NSMCE2: variants seen among roughly 807,000 people sequenced by gnomAD.
NSMCE2 encodes the protein E3 SUMO-protein ligase NSE2.
In NSMCE2, 24 loss-of-function variants were observed where a neutral mutation model predicts 23.8. The ratio of observed to expected loss-of-function variants is 1.01; its 90% CI spans 0.73 to 1.42. The LOEUF (loss-of-function observed/expected upper bound fraction) is 1.42, where lower values mean the gene tolerates loss of function less well. Among genes scored for constraint, NSMCE2 ranks in the 40% most tolerant of loss-of-function variants. The pLI is 0.00. For missense variants in NSMCE2, 284 were observed against 296.5 expected, an observed-to-expected ratio of 0.96 and a Z score of 0.31; for synonymous variants, 92 against 94.1, an observed-to-expected ratio of 0.98 and a Z score of 0.13.
intron 5 of NSMCE2, among the ~76,000 whole-genome samples, chr8:125,313,939 G>A (rs1427965749): frequency 6.6e-6 from 1 of 152,094 alleles, no homozygotes; most frequent in Admixed American, 6.5e-5. Context: ...TTCCAACCAA[G>A]ACCCCCTAGA....
chr8:125,104,140 G>A (rs1387966710), intron 3 of NSMCE2, among the ~76,000 whole-genome samples: 3 of 151,986 alleles, frequency 2.0e-5, no homozygotes, highest in Non-Finnish European at 2.9e-5. Flanking sequence ...ACAGGCATGC[G>A]CCACCACGCC....
At chr8:125,314,454 C>T (rs1215901690) in intron 5 of NSMCE2, among the ~76,000 whole-genome samples, 1 of 152,106 alleles carries the variant, frequency 6.6e-6, no homozygotes, top group Non-Finnish European at 1.5e-5. Context: ...CCATGCCTGG[C>T]TAATTTTTTG....
intron 5 of NSMCE2, among the ~76,000 whole-genome samples, chr8:125,314,404 C>T (rs1374169354): frequency 1.3e-5 from 2 of 152,232 alleles, no homozygotes; most frequent in Admixed American, 6.5e-5. Context: ...ATTCTCCTGC[C>T]TCAGCCTCCC....
intron 5 of NSMCE2, among the ~76,000 whole-genome samples, chr8:125,316,570 C>A (rs1193720261): frequency 6.6e-6 from 1 of 151,976 alleles, no homozygotes; most frequent in Non-Finnish European, 1.5e-5. Flanking sequence ...TTCTTTCCTT[C>A]TTTCTTTCTT....
intron 4 of NSMCE2, among the ~76,000 whole-genome samples, chr8:125,172,806 T>C (rs915258078): frequency 6.6e-6 from 1 of 152,254 alleles, no homozygotes; most frequent in East Asian, 1.9e-4. Context: ...TTTAATTCCC[T>C]TCCTCCACTA....
chr8:125,224,225 A>T (rs1824996088), intron 5 of NSMCE2, among the ~76,000 whole-genome samples: 1 of 152,166 alleles, frequency 6.6e-6, no homozygotes, highest in South Asian at 2.1e-4. Context: ...TCATTATCAC[A>T]TGTATGCTTC....
chr8:125,325,860 G>A (rs1459700491), intron 5 of NSMCE2, among the ~76,000 whole-genome samples: 1 of 152,206 alleles, frequency 6.6e-6, no homozygotes, highest in Non-Finnish European at 1.5e-5. Context: ...TCTGAAGCAA[G>A]AGAATCACTT....
At chr8:125,096,220 T>C (rs1028980132) in intron 1 of NSMCE2, among the ~76,000 whole-genome samples, 5 of 152,214 alleles carry the variant, frequency 3.3e-5, no homozygotes, top group Admixed American at 2.6e-4. Flanking sequence ...TCACATTTCA[T>C]TGCCTTGGGT....
chr8:125,235,921 C>T lies in NSMCE2; in HGVS notation c.418+53665C>T, dbSNP rs556641177. Among the ~76,000 whole-genome samples, 9 of 152,258 alleles carry T rather than the reference C, an allele frequency of 5.9e-5. No homozygotes were observed. The East Asian group carries it at 1.7e-3, about 29-fold the overall frequency. On this transcript the variant is annotated intron_variant, in intron 5 of 7. Coordinates refer to ENST00000287437, the MANE Select transcript of NSMCE2 (RefSeq NM_173685.4). ...AGTTATGACCTAGTAGGTAAGAGTC[C>T]ACATTTTACATATAATGTTAACGCA...
rs141884432 is a variant in NSMCE2, at chr8:125,195,855, C to T, written c.418+13599C>T. On this transcript the variant is annotated intron_variant, in intron 5 of 7. Coordinates refer to ENST00000287437, the MANE Select transcript of NSMCE2 (RefSeq NM_173685.4). ...TGTATTTGTTAAAGTTTATGTTAGTCATTACATTCTTTTTCCTGAATAACT... is the reference window on the plus strand; with the variant it reads ...TGTATTTGTTAAAGTTTATGTTAGTTATTACATTCTTTTTCCTGAATAACT... 1.5e-3 allele frequency among the ~76,000 whole-genome samples: 211 copies of T among 142,104 alleles called. 1 individual carries two copies. The Middle Eastern group carries it at 0.018, about 12-fold the overall frequency. The allele number at this position is 142,104 out of a possible 152,430, so 93.2% of individuals were successfully genotyped here. A position where few individuals can be genotyped will look rare whatever the true frequency, so the allele number is the denominator to read the frequency against.
chr8:125,205,134 C>T (rs916116119), intron 5 of NSMCE2, among the ~76,000 whole-genome samples: 5 of 152,220 alleles, frequency 3.3e-5, no homozygotes, highest in African/African-American at 1.2e-4. Context: ...TATTCTACCC[C>T]TCTTTCTCTT....
intron 5 of NSMCE2, among the ~76,000 whole-genome samples, chr8:125,341,175 G>A (rs960700713): frequency 1.4e-4 from 21 of 152,018 alleles, no homozygotes; most frequent in Admixed American, 1.3e-4. Flanking sequence ...GTCCTTCTGC[G>A]ATGCTGCGGG....
chr8:125,350,141 T>C (rs1705591439), intron 5 of NSMCE2, among the ~76,000 whole-genome samples: 1 of 152,208 alleles, frequency 6.6e-6, no homozygotes, highest in Non-Finnish European at 1.5e-5. Context: ...GGCCGTGCTT[T>C]CCTGGAAGAG....
chr8:125,349,487 G>A (rs1379631982), intron 5 of NSMCE2, among the ~76,000 whole-genome samples: 1 of 151,800 alleles, frequency 6.6e-6, no homozygotes, highest in Admixed American at 6.6e-5. Flanking sequence ...GGTGACTAAT[G>A]CTTACAATCC....
chr8:125,123,054 A>T (rs1819345796), intron 3 of NSMCE2, among the ~76,000 whole-genome samples: 1 of 152,222 alleles, frequency 6.6e-6, no homozygotes, highest in African/African-American at 2.4e-5. Flanking sequence ...AAATTTCATA[A>T]AATCAAAATA....
intron 1 of NSMCE2, among the ~76,000 whole-genome samples, chr8:125,096,917 T>C (rs911328474): frequency 6.6e-6 from 1 of 152,148 alleles, no homozygotes; most frequent in Non-Finnish European, 1.5e-5. Context: ...GCCCTCTGTG[T>C]AGAATCCTAA....
At chr8:125,245,252 C>G (rs1825910531) in intron 5 of NSMCE2, among the ~76,000 whole-genome samples, 1 of 152,078 alleles carries the variant, frequency 6.6e-6, no homozygotes, top group South Asian at 2.1e-4. Context: ...CACTGCACTC[C>G]AGCCTGGGCG....
chr8:125,263,755 AAAAC>A (rs1183226331), intron 5 of NSMCE2, among the ~76,000 whole-genome samples: 1 of 150,062 alleles, frequency 6.7e-6, no homozygotes, highest in Non-Finnish European at 1.5e-5. Context: ...ATCTCAAAAA[AAAAC>A]AAAAAAAAAA....
chr8:125,254,780 TC>T (rs1826338309), intron 5 of NSMCE2, among the ~76,000 whole-genome samples: 1 of 152,172 alleles, frequency 6.6e-6, no homozygotes, highest in Admixed American at 6.5e-5. Context: ...ACTGTGACGT[TC>T]TATGGAAGCA....
Sources: gnomAD v4.1 joint callset for allele counts (sites outside exome capture counted in the v4.1 genomes callset) on GRCh38, gnomAD v4.1.1 for gene constraint, MANE v1.5 for transcripts, NCBI Gene and HGNC (gene_info 2026-07-23, HGNC 2026-07-21) for gene names.